Variants in PLA2G4C observed in about 807,000 individuals in gnomAD.
The protein encoded by PLA2G4C is phospholipase A2 group IVC, also known as cytosolic phospholipase A2 gamma.
A neutral mutation model predicts 73.8 loss-of-function variants in PLA2G4C; 64 were observed. The observed-to-expected ratio is 0.87, with a 90% CI of 0.71 to 1.07. The LOEUF is 1.07. PLA2G4C is among the 50% of genes least tolerant of loss of function. The pLI is 0.00. For missense variants in PLA2G4C, 622 were observed against 665.4 expected (o/e 0.93, Z 0.72); for synonymous variants, 254 against 252.1 (o/e 1.01, Z -0.07).
intron 16 of PLA2G4C, among the ~76,000 whole-genome samples, chr19:48,050,768 A>G (rs1003509766): frequency 6.9e-6 from 1 of 144,428 alleles, no homozygotes; most frequent in African/African-American, 2.6e-5. Context: ...TCTGCTCCCC[A>G]GGGTTCAGCA....
intron 1 of PLA2G4C, among the ~76,000 whole-genome samples, chr19:48,107,814 G>A (rs1212285819): frequency 6.6e-6 from 1 of 152,208 alleles, no homozygotes; most frequent in African/African-American, 2.4e-5. Context: ...AGCAGAATTA[G>A]TGAAAGTATT....
At chr19:48,062,194 A>T (rs1232664579) in intron 13 of PLA2G4C, 42 bp from the exon 14 acceptor site, 1 of 1,496,932 alleles carries the variant, frequency 6.7e-7, no homozygotes, top group Non-Finnish European at 9.0e-7. Flanking sequence ...GCTTCTGGGG[A>T]CTGAAAGCAA....
At chr19:48,097,614 C>T (rs1364087666) in intron 6 of PLA2G4C, among the ~76,000 whole-genome samples, 1 of 151,498 alleles carries the variant, frequency 6.6e-6, no homozygotes, top group Non-Finnish European at 1.5e-5. Flanking sequence ...TTTGGGGGGA[C>T]AGGGTCTCAC....
At chr19:48,061,082 G>A (rs1228366437) in intron 14 of PLA2G4C, among the ~76,000 whole-genome samples, 5 of 152,060 alleles carry the variant, frequency 3.3e-5, no homozygotes, top group Non-Finnish European at 7.4e-5. Context: ...GAGGCCAGGA[G>A]TTCAAGACCA....
intron 10 of PLA2G4C, among the ~76,000 whole-genome samples, chr19:48,084,040 T>TTGTGTGTGTGTGTGTGTGTG (rs71181645): frequency 2.7e-4 from 38 of 139,222 alleles, no homozygotes; most frequent in Non-Finnish European, 3.9e-4. Context: ...AATGCCAATT[T>TTGTGTGTGTGTGTGTGTGTG]TGTGTGTGTG....
intron 10 of PLA2G4C, among the ~76,000 whole-genome samples, chr19:48,083,446 T>C (rs1439658156): frequency 7.7e-6 from 1 of 130,068 alleles, no homozygotes; most frequent in Non-Finnish European, 1.6e-5. Flanking sequence ...TTCTTTTTCT[T>C]TTTTCTTTTT....
chr19:48,077,485 G>A (rs1282517564), intron 11 of PLA2G4C, among the ~76,000 whole-genome samples: 1 of 152,066 alleles, frequency 6.6e-6, no homozygotes, highest in Admixed American at 6.6e-5. Flanking sequence ...CTCATGGATG[G>A]GTAGAATCAA....
At chr19:48,081,861 G>A (rs2030593003) in intron 10 of PLA2G4C, among the ~76,000 whole-genome samples, 1 of 150,606 alleles carries the variant, frequency 6.6e-6, no homozygotes, top group Non-Finnish European at 1.5e-5. Context: ...CGGGCAGATT[G>A]CTTGAGCTCA....
intron 2 of PLA2G4C, among the ~76,000 whole-genome samples, chr19:48,105,970 CTTTCTT>C (rs2032212112): frequency 1.3e-5 from 1 of 75,218 alleles, no homozygotes; most frequent in South Asian, 5.4e-4. Flanking sequence ...TTCTTTCTTT[CTTTCTT>C]TCTTTCTTTC....
At chr19:48,085,839 G>T (rs1314683070) in intron 9 of PLA2G4C, among the ~76,000 whole-genome samples, 1 of 152,166 alleles carries the variant, frequency 6.6e-6, no homozygotes, top group African/African-American at 2.4e-5. Context: ...TCTGGGGTAA[G>T]GCCTTAACCC....
chr19:48,058,001 CA>C (rs5828331), intron 14 of PLA2G4C, among the ~76,000 whole-genome samples: 33,156 of 149,318 alleles, frequency 0.22, 4,131 homozygotes, highest in Non-Finnish European at 0.28. Flanking sequence ...CCCAGCTAAT[CA>C]AAAAAAATTT....
chr19:48,056,323 A>C (rs1600150986), intron 14 of PLA2G4C, among the ~76,000 whole-genome samples: 1 of 151,986 alleles, frequency 6.6e-6, no homozygotes, highest in Non-Finnish European at 1.5e-5. Context: ...CAAGGCGGGC[A>C]GATCACCTGA....
chr19:48,080,364 C>T (rs116539794), intron 10 of PLA2G4C, among the ~76,000 whole-genome samples: 1,806 of 152,268 alleles, frequency 0.012, 39 homozygotes, highest in African/African-American at 0.041. Flanking sequence ...AAATGGAACA[C>T]TCACACACTG....
intron 13 of PLA2G4C, 65 bp from the exon 14 acceptor site, chr19:48,062,217 G>C: frequency 7.4e-7 from 1 of 1,354,220 alleles, no homozygotes; most frequent in Non-Finnish European, 1.0e-6. Flanking sequence ...CTTGGAAATG[G>C]AAGGCAGAGA....
intron 14 of PLA2G4C, chr19:48,061,693 G>C (rs371439812): frequency 1.4e-5 from 5 of 356,402 alleles, no homozygotes; most frequent in African/African-American, 1.1e-4. Flanking sequence ...GCACAGGTGA[G>C]GAGCTAGGCT....
At chr19:48,056,462 C>T (rs557779868) in intron 14 of PLA2G4C, among the ~76,000 whole-genome samples, 12 of 152,138 alleles carry the variant, frequency 7.9e-5, no homozygotes, top group East Asian at 3.9e-4. Flanking sequence ...ACAGGAGAAT[C>T]GCTTGAACCC....
At chr19:48,065,207 C>T (rs2122501264) in intron 13 of PLA2G4C, among the ~76,000 whole-genome samples, 1 of 136,934 alleles carries the variant, frequency 7.3e-6, no homozygotes, top group South Asian at 2.4e-4. Flanking sequence ...TAAGATATAC[C>T]TTGGTTCGGT....
chr19:48,103,482 C>G (rs1253063236), intron 4 of PLA2G4C: 2 of 151,958 alleles, frequency 1.3e-5, no homozygotes, highest in Non-Finnish European at 1.5e-5. Context: ...ACAAATCAGG[C>G]CAGCCAGGCT....
At position 48,075,372 on chromosome 19, in the gene PLA2G4C, T is replaced by C. The variant is rs899832975; in HGVS notation, c.899-498A>G. ...CGGCTAATTTTTGTATTTTTAGTACTGATGGGGTTTTACCATGTTGGCCAG... is the reference window on the plus strand; with the variant it reads ...CGGCTAATTTTTGTATTTTTAGTACCGATGGGGTTTTACCATGTTGGCCAG... On this transcript the variant is annotated intron_variant, in intron 11 of 16. Transcript: ENST00000599921. Among the ~76,000 whole-genome samples the C allele has an allele frequency of 3.2e-4, 49 of 151,584 alleles. 1 individual carries two copies. The highest frequency in any genetic ancestry group is 8.7e-4 in the African/African-American group (36 of 41,260).
Sources: gnomAD v4.1 joint callset for allele counts (sites outside exome capture counted in the v4.1 genomes callset) on GRCh38, gnomAD v4.1.1 for gene constraint, MANE v1.5 for transcripts, NCBI Gene and HGNC (gene_info 2026-07-23, HGNC 2026-07-21) for gene names.